Variants in PCLO observed in about 807,000 individuals in gnomAD.
The protein encoded by PCLO is protein piccolo.
Under a neutral mutation model 427.5 loss-of-function variants are expected in PCLO, and 82 were observed. The ratio of observed to expected loss-of-function variants is 0.19; its 90% CI spans 0.16 to 0.23. The LOEUF is 0.23. Among genes scored for constraint, PCLO ranks in the 10% least tolerant of loss-of-function variants. PCLO has a pLI of 1.00. For missense variants in PCLO, 6,239 were observed against 6,115.9 expected, an observed-to-expected ratio of 1.02 and a Z score of -0.67; for synonymous variants, 2,357 against 2,155.4, an observed-to-expected ratio of 1.09 and a Z score of -2.59.
intron 10 of PCLO, among the ~76,000 whole-genome samples, chr7:82,877,477 T>G (rs76500937): frequency 0.011 from 1,714 of 152,228 alleles, 92 homozygotes; most frequent in Admixed American, 0.08. Context: ...ATATCCTTAT[T>G]AGACTGTAAC....
At chr7:82,981,530 A>T (rs2115777481) in intron 3 of PCLO, among the ~76,000 whole-genome samples, 1 of 152,262 alleles carries the variant, frequency 6.6e-6, no homozygotes, top group Middle Eastern at 3.4e-3. Context: ...TATGTCAAAA[A>T]GGTTGGCAGA....
intron 8 of PCLO, among the ~76,000 whole-genome samples, chr7:82,905,152 G>A (rs1326811972): frequency 6.6e-6 from 1 of 151,994 alleles, no homozygotes; most frequent in Admixed American, 6.6e-5. Flanking sequence ...CCAAGGGGAT[G>A]GTCTCTGTTA....
chr7:83,088,491 AT>A (rs1234550503), intron 3 of PCLO, among the ~76,000 whole-genome samples: 3 of 152,136 alleles, frequency 2.0e-5, no homozygotes, highest in Non-Finnish European at 4.4e-5. Flanking sequence ...CATCCACTTC[AT>A]TGTTTCTATC....
chr7:82,833,725 G>A (rs752112583), intron 16 of PCLO, among the ~76,000 whole-genome samples: 11 of 126,058 alleles, frequency 8.7e-5, no homozygotes, highest in Non-Finnish European at 1.1e-4. Flanking sequence ...ACCACTGGTC[G>A]CAAAAAAATG....
intron 9 of PCLO, among the ~76,000 whole-genome samples, chr7:82,892,177 TA>T (rs1332545791): frequency 2.0e-5 from 3 of 152,214 alleles, no homozygotes; most frequent in Non-Finnish European, 2.9e-5. Context: ...CTTCAAACTA[TA>T]CTACAAGGCT....
At chr7:83,126,873 G>T (rs1791450955) in intron 3 of PCLO, among the ~76,000 whole-genome samples, 1 of 152,172 alleles carries the variant, frequency 6.6e-6, no homozygotes, top group East Asian at 1.9e-4. Context: ...TCTGGCTCAT[G>T]AAATTGATAA....
chr7:82,919,358 G>C (rs1794543628), intron 6 of PCLO, among the ~76,000 whole-genome samples: 1 of 152,008 alleles, frequency 6.6e-6, no homozygotes, highest in Non-Finnish European at 1.5e-5. Context: ...GAAGGTAATG[G>C]AGTGAATGTG....
chr7:82,811,474 T>C (rs1791570096), intron 20 of PCLO, among the ~76,000 whole-genome samples: 1 of 151,572 alleles, frequency 6.6e-6, no homozygotes, highest in African/African-American at 2.4e-5. Flanking sequence ...ATCTCATGTT[T>C]TAATTTTCTT....
intron 10 of PCLO, among the ~76,000 whole-genome samples, chr7:82,873,821 G>C (rs1793300219): frequency 7.3e-6 from 1 of 137,824 alleles, no homozygotes; most frequent in Non-Finnish European, 1.6e-5. Context: ...TCTAGATTGG[G>C]GGGGTGGTTT....
At chr7:82,864,050 T>G (rs1370693580) in intron 10 of PCLO, among the ~76,000 whole-genome samples, 1 of 152,100 alleles carries the variant, frequency 6.6e-6, no homozygotes, top group East Asian at 1.9e-4. Flanking sequence ...GGTGGCAGTT[T>G]GAAAAGCCAG....
At chr7:82,916,896 T>G in intron 6 of PCLO, 23 bp from the exon 7 acceptor site, 1 of 1,498,206 alleles carries the variant, frequency 6.7e-7, no homozygotes. Flanking sequence ...AAACAAAATA[T>G]AGTACTTTAG....
chr7:83,096,005 G>A (rs1220188849), intron 3 of PCLO, among the ~76,000 whole-genome samples: 2 of 151,600 alleles, frequency 1.3e-5, no homozygotes, highest in East Asian at 2.0e-4. Flanking sequence ...ATTAAATCGG[G>A]GAGTTTATAT....
intron 3 of PCLO, among the ~76,000 whole-genome samples, chr7:83,100,356 C>T (rs1173822741): frequency 3.9e-5 from 6 of 152,110 alleles, no homozygotes; most frequent in African/African-American, 1.4e-4. Context: ...AAGACACATA[C>T]ATGTATATAT....
At chr7:82,902,931 T>C (rs954554803) in intron 8 of PCLO, among the ~76,000 whole-genome samples, 190 bp from the exon 9 acceptor site, 2 of 152,054 alleles carry the variant, frequency 1.3e-5, no homozygotes, top group Non-Finnish European at 2.9e-5. Context: ...TCTGAGTTCT[T>C]ATGGTGTTTG....
chr7:82,828,625 T>C (rs1405136410), intron 16 of PCLO, among the ~76,000 whole-genome samples: 2 of 152,200 alleles, frequency 1.3e-5, no homozygotes, highest in Admixed American at 1.3e-4. Flanking sequence ...TGACTTTCCA[T>C]TTCCTCTGAG....
At chr7:82,861,509 G>C (rs921612229) in intron 10 of PCLO, among the ~76,000 whole-genome samples, 2 of 152,014 alleles carry the variant, frequency 1.3e-5, no homozygotes, top group African/African-American at 4.8e-5. Context: ...GGGAAATATT[G>C]TTAGAGCTAA....
At position 83,156,022 on chromosome 7, in the gene PCLO, T is replaced by C. The variant is rs1562997170; in HGVS notation, c.619A>G (p.Ile207Val). Residue 207 changes from isoleucine to valine, a missense_variant, in exon 2 of 25, where the codon ATA becomes GTA. Transcript: ENST00000333891. ...QKEQGKPEGI[I>V]KPPLQQQPPK... ...GGCTGTTGTTGTAAAGGAGGTTTTA[T>C]GATTCCTTCAGGTTTTCCTTGCTCC... The C allele has an allele frequency of 1.2e-6, 2 of 1,613,706 alleles. No homozygotes were observed. Among genetic ancestry groups the C allele is most frequent in the Non-Finnish European group, 1.7e-6 (2 of 1,179,802 alleles).
At chr7:82,813,897 T>A (rs568775533) in intron 20 of PCLO, among the ~76,000 whole-genome samples, 1 of 151,994 alleles carries the variant, frequency 6.6e-6, no homozygotes, top group Admixed American at 6.6e-5. Context: ...TTCCTCAAAT[T>A]TGAATGAAAG....
At chr7:82,905,059 G>A (rs184830623) in intron 8 of PCLO, among the ~76,000 whole-genome samples, 3 of 152,086 alleles carry the variant, frequency 2.0e-5, no homozygotes, top group Admixed American at 6.6e-5. Context: ...ATGGGGTTAC[G>A]GGTAGGTGTT....
Sources: allele counts gnomAD v4.1 joint callset (sites outside exome capture counted in the v4.1 genomes callset), GRCh38; gene constraint gnomAD v4.1.1; transcripts MANE v1.5; gene names NCBI Gene and HGNC (gene_info 2026-07-23, HGNC 2026-07-21).